Variants in FKBP11 observed in about 807,000 individuals in gnomAD.
FKBP11 encodes the protein peptidyl-prolyl cis-trans isomerase FKBP11.
FKBP11 carries 21 observed loss-of-function variants against 24.7 expected under a neutral mutation model. The observed-to-expected ratio is 0.85, with a 90% CI of 0.60 to 1.23. The LOEUF (loss-of-function observed/expected upper bound fraction) is 1.23. Ranked by LOEUF, FKBP11 falls within the 50% of genes most tolerant of loss-of-function variation. FKBP11 has a pLI of 0.00. For missense variants in FKBP11, 245 were observed against 248.7 expected, an observed-to-expected ratio of 0.99 and a Z score of 0.10; for synonymous variants, 106 against 100.6, an observed-to-expected ratio of 1.05 and a Z score of -0.32.
chr12:48,935,077 T>TA, the FKBP11 span, among the ~76,000 whole-genome samples: 1 of 151,226 alleles, frequency 6.6e-6, no homozygotes, highest in East Asian at 1.9e-4. Context: ...AAGATACTCT[T>TA]ATCAGCACCC....
upstream of FKBP11, chr12:48,926,581 C>T: frequency 7.1e-6 from 1 of 140,518 alleles, no homozygotes; most frequent in Non-Finnish European, 1.5e-5. Context: ...GGCTGGAGTG[C>T]AATGGCGCGA....
At chr12:48,930,766 A>C (rs901760160), upstream of FKBP11, among the ~76,000 whole-genome samples, 6 of 152,166 alleles carry the variant, frequency 3.9e-5, no homozygotes, top group Non-Finnish European at 7.3e-5. Context: ...GGAAAAATGA[A>C]TGGACTGATT....
chr12:48,924,613 G>C lies in FKBP11; in HGVS notation c.231C>G (p.Ser77=), dbSNP rs1296289834. Residue 77 remains serine (S), a synonymous_variant, in exon 3 of 6, where the codon TCC becomes TCG. Coordinates refer to ENST00000550765, the MANE Select transcript of FKBP11 (RefSeq NM_016594.3). Reference sequence around the variant, plus strand: ...CTATAACCAGAGGGTCTCTGGTCAGGGAGGTGTCAATAATACGTCCATCTA... The same window carrying C: ...CTATAACCAGAGGGTCTCTGGTCAGCGAGGTGTCAATAATACGTCCATCTA... ...SLVDGRIIDT[S]LTRDPLVIEL... 6.2e-7 allele frequency: 1 copy of C among 1,614,092 alleles called. No individual in the cohort carries two copies.
the FKBP11 span, chr12:48,935,944 G>C: frequency 6.6e-6 from 1 of 152,230 alleles, no homozygotes; most frequent in Non-Finnish European, 1.5e-5. Context: ...TTTAGAACTA[G>C]AGGAGGAAAG....
chr12:48,932,548 A>G, the FKBP11 span, among the ~76,000 whole-genome samples: 1 of 151,896 alleles, frequency 6.6e-6, no homozygotes, highest in Non-Finnish European at 1.5e-5. Flanking sequence ...TGTTCTAATC[A>G]AAGAGGTATC....
chr12:48,937,007 CCACACACA>C, the FKBP11 span: 1 of 152,194 alleles, frequency 6.6e-6, no homozygotes, highest in East Asian at 1.9e-4. Flanking sequence ...CCCACAACCA[CCACACACA>C]AACACACCCA....
chr12:48,924,287 G>A, intron 3 of FKBP11, 31 bp from the exon 4 acceptor site: 1 of 1,613,950 alleles, frequency 6.2e-7, no homozygotes, highest in African/African-American at 1.3e-5. Context: ...TGAACTGGAA[G>A]CTATCCACCT....
chr12:48,923,344 CT>C (rs1939878627), intron 5 of FKBP11: 1 of 1,420,124 alleles, frequency 7.0e-7, no homozygotes, highest in South Asian at 1.6e-5. Context: ...TTAACAGTTG[CT>C]TTTTGTTTTG....
upstream of FKBP11, among the ~76,000 whole-genome samples, chr12:48,929,691 A>C (rs893646893): frequency 6.6e-6 from 1 of 152,300 alleles, no homozygotes; most frequent in African/African-American, 2.4e-5. Flanking sequence ...CAGGAACCTC[A>C]TGTTTCTCAT....
At chr12:48,931,500 A>G in the FKBP11 span, 1 of 1,529,240 alleles carries the variant, frequency 6.5e-7, no homozygotes, top group Non-Finnish European at 8.8e-7. Flanking sequence ...CAACAGAGAA[A>G]GGTGAGATGA....
upstream of FKBP11, chr12:48,925,624 T>G: frequency 1.5e-6 from 1 of 660,652 alleles, no homozygotes; most frequent in Non-Finnish European, 2.5e-6. Context: ...GCGCCCTCTG[T>G]ACCCTCCAAG....
the FKBP11 span, among the ~76,000 whole-genome samples, chr12:48,932,251 ATATATATATATTTTTTTTTTTTTTT>A: frequency 4.1e-4 from 16 of 39,138 alleles, no homozygotes; most frequent in African/African-American, 1.6e-3. Flanking sequence ...ATATATATAT[ATATATATATATTTTTTTTTTTTTTT>A]TTTTTTTTTT....
the FKBP11 span, among the ~76,000 whole-genome samples, chr12:48,932,220 CATATATTTATATATATATATATATATAT>C: frequency 6.9e-5 from 3 of 43,630 alleles, no homozygotes; most frequent in African/African-American, 2.9e-4. Flanking sequence ...ATCATATAAA[CATATATTTATATATATATATATATATAT>C]ATATATATAT....
chr12:48,931,273 T>C, upstream of FKBP11: 1 of 654,012 alleles, frequency 1.5e-6, no homozygotes, highest in Non-Finnish European at 2.6e-6. Flanking sequence ...ACTCGAACAG[T>C]GTGGTGAAGG....
At chr12:48,925,211 C>T (rs771614514) in intron 1 of FKBP11, 89 bp downstream of exon 1, 2 of 1,585,584 alleles carry the variant, frequency 1.3e-6, no homozygotes, top group South Asian at 2.3e-5. Flanking sequence ...ACTTCCTCTC[C>T]TCCCGGCTCC....
chr12:48,931,531 T>C, the FKBP11 span: 2 of 1,435,364 alleles, frequency 1.4e-6, no homozygotes, highest in Non-Finnish European at 1.9e-6. Context: ...GATAGGAGAG[T>C]TGGCCCACCC....
In FKBP11 at chr12:48,922,182, A is replaced by G. The variant is rs772735888; in HGVS notation, c.408T>C (p.Tyr136=). ...PSVPADAVVQ[Y]DVELIALIRA... ...GGATTAGTGCAATCAGCTCCACGTC[A>G]TACTGCACCACTGCATCCGCTGGAG... Residue 136 remains tyrosine, a synonymous_variant, in exon 6 of 6, where the codon TAT becomes TAC. Transcript: ENST00000550765. 79 of 1,613,504 alleles carry G rather than the reference A, an allele frequency of 4.9e-5. No homozygotes were observed. The highest frequency in any genetic ancestry group is 6.5e-5 in the Non-Finnish European group (77 of 1,179,742).
At chr12:48,923,073 G>C in intron 5 of FKBP11, 1 of 855,540 alleles carries the variant, frequency 1.2e-6, no homozygotes, top group Non-Finnish European at 1.6e-6. Context: ...GCTTGAACCC[G>C]GGTGGCGGAG....
upstream of FKBP11, chr12:48,931,434 C>A: frequency 6.5e-7 from 1 of 1,536,002 alleles, no homozygotes; most frequent in Non-Finnish European, 8.7e-7. Context: ...CCATCTGCAC[C>A]CTGGAGGGAC....
Sources: allele counts gnomAD v4.1 joint callset (sites outside exome capture counted in the v4.1 genomes callset), GRCh38; gene constraint gnomAD v4.1.1; transcripts MANE v1.5; gene names NCBI Gene and HGNC (gene_info 2026-07-23, HGNC 2026-07-21).